The following PPP2R5E variants were observed in gnomAD, a reference collection of about 807,000 sequenced individuals.
The protein encoded by PPP2R5E is serine/threonine-protein phosphatase 2A 56 kDa regulatory subunit epsilon isoform.
A neutral mutation model predicts 65.3 loss-of-function variants in PPP2R5E; 4 were observed. The observed-to-expected ratio is 0.06, with a 90% CI of 0.03 to 0.14. The LOEUF is 0.14. Ranked by LOEUF, PPP2R5E falls within the 10% of genes least tolerant of loss-of-function variation. The pLI is 1.00. For synonymous variants in PPP2R5E, 183 were observed against 187.4 expected, an observed-to-expected ratio of 0.98 and a Z score of 0.19; for missense variants, 274 against 556.1, an observed-to-expected ratio of 0.49 and a Z score of 5.10.
chr14:63,535,447 A>G (rs1035360535), intron 2 of PPP2R5E, among the ~76,000 whole-genome samples: 5 of 152,244 alleles, frequency 3.3e-5, no homozygotes, highest in Admixed American at 2.6e-4. Context: ...AGGGCAAAAC[A>G]AAAACTTTCC....
At chr14:63,415,848 A>G (rs1443906645) in intron 4 of PPP2R5E, among the ~76,000 whole-genome samples, 1 of 152,244 alleles carries the variant, frequency 6.6e-6, no homozygotes, top group Non-Finnish European at 1.5e-5. Context: ...CGTGCATCAC[A>G]TAACATACAT....
At chr14:63,437,822 C>T (rs1203969685) in intron 3 of PPP2R5E, among the ~76,000 whole-genome samples, 1 of 152,130 alleles carries the variant, frequency 6.6e-6, no homozygotes, top group Non-Finnish European at 1.5e-5. Flanking sequence ...AATACACTTG[C>T]TCTCCAACTT....
At chr14:63,463,264 C>A (rs140941973) in intron 2 of PPP2R5E, among the ~76,000 whole-genome samples, 3 of 151,428 alleles carry the variant, frequency 2.0e-5, no homozygotes, top group Non-Finnish European at 2.9e-5. Flanking sequence ...CTCAGCCTCC[C>A]GAGTAGCTGG....
chr14:63,507,882 CA>C (rs1892285683), intron 2 of PPP2R5E, among the ~76,000 whole-genome samples: 1 of 152,074 alleles, frequency 6.6e-6, no homozygotes, highest in Non-Finnish European at 1.5e-5. Flanking sequence ...CCGGCCCCAG[CA>C]AGGGTAATTC....
At chr14:63,462,262 G>C (rs1433327104) in intron 2 of PPP2R5E, among the ~76,000 whole-genome samples, 2 of 152,034 alleles carry the variant, frequency 1.3e-5, no homozygotes, top group East Asian at 3.8e-4. Context: ...AGTAGAGATG[G>C]AGTTTCACCG....
chr14:63,534,205 T>C (rs774338976), intron 2 of PPP2R5E, among the ~76,000 whole-genome samples: 7 of 152,204 alleles, frequency 4.6e-5, no homozygotes, highest in Admixed American at 1.3e-4. Flanking sequence ...AGTTTGACTG[T>C]CTTACTCAAC....
At chr14:63,430,357 A>ACATACATGCATGCATG (rs1566696301) in intron 3 of PPP2R5E, among the ~76,000 whole-genome samples, 16 of 128,182 alleles carry the variant, frequency 1.2e-4, no homozygotes, top group African/African-American at 5.7e-4. Context: ...ATACATACAT[A>ACATACATGCATGCATG]CATACATACA....
chr14:63,419,785 T>G (rs1886901024), intron 4 of PPP2R5E, among the ~76,000 whole-genome samples: 1 of 152,216 alleles, frequency 6.6e-6, no homozygotes, highest in African/African-American at 2.4e-5. Flanking sequence ...GATAATAACC[T>G]TGAACAGGAT....
At chr14:63,389,772 G>A in intron 10 of PPP2R5E, 41 bp from the exon 11 acceptor site, 1 of 1,509,666 alleles carries the variant, frequency 6.6e-7, no homozygotes, top group Non-Finnish European at 8.8e-7. Flanking sequence ...GGCACATCAT[G>A]AAAAAAAATC....
intron 2 of PPP2R5E, among the ~76,000 whole-genome samples, chr14:63,520,463 G>A (rs115933148): frequency 6.6e-6 from 1 of 152,238 alleles, no homozygotes; most frequent in African/African-American, 2.4e-5. Context: ...TTCTATCTTT[G>A]TCTGTTCAGG....
intron 2 of PPP2R5E, among the ~76,000 whole-genome samples, chr14:63,481,058 T>C (rs1340450377): frequency 6.6e-6 from 1 of 152,230 alleles, no homozygotes. Context: ...AAATAATTTT[T>C]GGTGGTAGAT....
intron 3 of PPP2R5E, among the ~76,000 whole-genome samples, chr14:63,425,175 T>A (rs1372504627): frequency 6.6e-6 from 1 of 152,174 alleles, no homozygotes; most frequent in Non-Finnish European, 1.5e-5. Flanking sequence ...CAGAAAAAAA[T>A]GATCATGTGA....
At chr14:63,496,861 A>G (rs1891596330) in intron 2 of PPP2R5E, among the ~76,000 whole-genome samples, 1 of 151,756 alleles carries the variant, frequency 6.6e-6, no homozygotes, top group Non-Finnish European at 1.5e-5. Context: ...TTGGAATAAC[A>G]AACTATTTTA....
intron 13 of PPP2R5E, among the ~76,000 whole-genome samples, chr14:63,379,648 G>A (rs930899320): frequency 3.3e-5 from 5 of 151,798 alleles, no homozygotes; most frequent in Admixed American, 2.0e-4. Flanking sequence ...ACCTCAACCA[G>A]GAATAGATAA....
intron 2 of PPP2R5E, among the ~76,000 whole-genome samples, chr14:63,536,750 TA>T (rs1309612251): frequency 2.0e-5 from 3 of 152,354 alleles, no homozygotes; most frequent in Non-Finnish European, 4.4e-5. Flanking sequence ...GACACTTGAC[TA>T]AGTGAAATAA....
chr14:63,537,356 T>C (rs1477455199), intron 2 of PPP2R5E, among the ~76,000 whole-genome samples: 2 of 152,232 alleles, frequency 1.3e-5, no homozygotes, highest in South Asian at 2.1e-4. Context: ...CTCCCAACTT[T>C]GTATTTCAAG....
Position 63,449,511 on chromosome 14 carries a change from A to G in PPP2R5E, c.354+4178T>C, listed in dbSNP as rs568644918. 3.9e-5 allele frequency among the ~76,000 whole-genome samples: 6 copies of G among 152,348 alleles called. No individual in the cohort carries two copies. The East Asian group carries it at 9.6e-4, about 24-fold the overall frequency. On this transcript the variant is annotated intron_variant, in intron 3 of 13. Transcript: ENST00000337537. ...TACACAAATTAGGAAAGTGACCAGC[A>G]CCAGGATGTATATATACAATGGGCT... is the stretch of plus-strand genomic sequence containing the variant.
chr14:63,475,030 G>C (rs895681810), intron 2 of PPP2R5E, among the ~76,000 whole-genome samples: 21 of 152,236 alleles, frequency 1.4e-4, no homozygotes, highest in African/African-American at 4.6e-4. Context: ...ACGTTGCTGA[G>C]AGACATGTGA....
chr14:63,505,540 G>A (rs1246243337), intron 2 of PPP2R5E, among the ~76,000 whole-genome samples: 3 of 152,178 alleles, frequency 2.0e-5, no homozygotes, highest in Admixed American at 6.5e-5. Flanking sequence ...GCCCATGCAA[G>A]GAGGCTGAGT....
Sources: gnomAD v4.1 joint callset for allele counts (sites outside exome capture counted in the v4.1 genomes callset) on GRCh38, gnomAD v4.1.1 for gene constraint, MANE v1.5 for transcripts, NCBI Gene and HGNC (gene_info 2026-07-23, HGNC 2026-07-21) for gene names.